The following PCGF3 variants were observed in gnomAD, a reference collection of about 807,000 sequenced individuals.
The protein encoded by PCGF3 is polycomb group ring finger 3.
A neutral mutation model predicts 33.1 loss-of-function variants in PCGF3; 7 were observed. The ratio of observed to expected loss-of-function variants is 0.21; its 90% CI spans 0.12 to 0.40. The LOEUF (loss-of-function observed/expected upper bound fraction) is 0.40. PCGF3 is among the 10% of genes least tolerant of loss of function. PCGF3 has a pLI of 1.00. For synonymous variants in PCGF3, 153 were observed against 121.3 expected (o/e 1.26, Z -1.72); for missense variants, 211 against 313.3 (o/e 0.67, Z 2.46).
intron 3 of PCGF3, 84 bp from the exon 4 acceptor site, chr4:733,588 C>A (rs561894078): frequency 8.4e-6 from 12 of 1,425,152 alleles, no homozygotes; most frequent in Non-Finnish European, 1.1e-5. Flanking sequence ...CACTGTCCTC[C>A]CTGGGGGCGG....
chr4:729,187 G>T (rs547617430), intron 1 of PCGF3, among the ~76,000 whole-genome samples: 2 of 151,600 alleles, frequency 1.3e-5, no homozygotes, highest in South Asian at 4.2e-4. Flanking sequence ...GGCTGAGGCG[G>T]GAGGATCACT....
At chr4:755,998 C>T (rs1744754497) in intron 8 of PCGF3, among the ~76,000 whole-genome samples, 1 of 149,904 alleles carries the variant, frequency 6.7e-6, no homozygotes, top group African/African-American at 2.5e-5. Context: ...CCGCAACCTC[C>T]ACCTCCCGGG....
rs569183660 is a variant in PCGF3 at position 721,958 on chromosome 4, G to C, written c.-189-8672G>C. Among the ~76,000 whole-genome samples the C allele has an allele frequency of 2.6e-5, 4 of 152,194 alleles. No homozygotes were observed. The South Asian group carries it at 8.3e-4, about 32-fold the overall frequency. On this transcript the variant is annotated intron_variant, in intron 1 of 10. Transcript: ENST00000362003. The surrounding 1 kb of genome is among the most constrained non-coding windows in gnomAD (Gnocchi z 4.1). ...GTCGCTGCATGTGGGTGTGGGGAGA[G>C]GCCTGTGGGAGGTGGATGGGTTGGG...
rs1186265968 is a variant in PCGF3, at chr4:732,357, CTCCCCTCCCTTCTCCT to C, written c.-10+1258_-10+1273del. 6.5e-4 allele frequency: 101 copies of C among 154,250 alleles called. 1 individual carries two copies. In the East Asian group the frequency reaches 0.015, roughly 23 times the overall value. 9.6% of individuals were successfully genotyped at this position (154,250 alleles called of 1,614,324 possible). On this transcript the variant is annotated intron_variant, in intron 3 of 10. Coordinates refer to ENST00000362003, the Ensembl canonical transcript of PCGF3. ...CCCTCCTCCCCTCCCTTCCCTTCCC[CTCCCCTCCCTTCTCCT>C]TCCCCTCCCTCTCCCTTCCTGGGCA... is the stretch of plus-strand genomic sequence containing the variant.
chr4:708,025 C>CT (rs1742406150), intron 1 of PCGF3, among the ~76,000 whole-genome samples: 1 of 136,954 alleles, frequency 7.3e-6, no homozygotes, highest in African/African-American at 2.7e-5. Context: ...CCCTGGGGGC[C>CT]GGGACCCTGG....
intron 8 of PCGF3, among the ~76,000 whole-genome samples, chr4:753,994 C>T (rs931312158): frequency 2.5e-4 from 38 of 152,174 alleles, no homozygotes; most frequent in Non-Finnish European, 2.6e-4. Flanking sequence ...ACTTCAGGGG[C>T]GTTCTGGGTC....
Position 761,323 on chromosome 4 carries a change from G to C in PCGF3, c.507G>C (p.Leu169=), listed in dbSNP as rs767614026. Residue 169 remains leucine, a synonymous_variant, in exon 9 of 11, where the codon CTG becomes CTC. Transcript: ENST00000362003. ...GTAACAGCAGCAAACTGCGCGGGCT[G>C]AAGCGGAAGTGGATCCGCTGCTCAG... 5.6e-6 allele frequency: 9 copies of C among 1,608,134 alleles called. No homozygotes were observed. The African/African-American group carries it at 1.2e-4, about 22-fold the overall frequency.
At chr4:714,659 C>T (rs1560195543) in intron 1 of PCGF3, among the ~76,000 whole-genome samples, 2 of 152,202 alleles carry the variant, frequency 1.3e-5, no homozygotes, top group Non-Finnish European at 2.9e-5. Flanking sequence ...GGTCTTGTCT[C>T]CCTGTCCGTG....
intron 8 of PCGF3, among the ~76,000 whole-genome samples, chr4:755,733 T>C (rs1179673197): frequency 6.6e-6 from 1 of 151,370 alleles, no homozygotes. Context: ...TTGCCAAGTT[T>C]CCACACTCTC....
chr4:713,375 C>T (rs28972485), intron 1 of PCGF3, among the ~76,000 whole-genome samples: 11 of 95,530 alleles, frequency 1.2e-4, no homozygotes, highest in African/African-American at 3.4e-4. Flanking sequence ...TCATGGGAGC[C>T]GTGGCCTTGT....
At chr4:764,287 A>T (rs1012666960) in intron 9 of PCGF3, among the ~76,000 whole-genome samples, 1 of 152,152 alleles carries the variant, frequency 6.6e-6, no homozygotes, top group Admixed American at 6.5e-5. Flanking sequence ...ATTGTTCTTT[A>T]AAAAGTCTAA....
At chr4:716,631 G>C (rs1742859624) in intron 1 of PCGF3, among the ~76,000 whole-genome samples, 1 of 132,546 alleles carries the variant, frequency 7.5e-6, no homozygotes, top group Non-Finnish European at 1.6e-5. Context: ...CTGGGACCCT[G>C]TAGACACTGA....
At chr4:732,676 C>T (rs534370151) in intron 3 of PCGF3, among the ~76,000 whole-genome samples, 2 of 152,164 alleles carry the variant, frequency 1.3e-5, no homozygotes, top group African/African-American at 4.8e-5. Context: ...GGCTGGGCCT[C>T]TTGGTGGCGG....
chr4:733,870 C>T, intron 4 of PCGF3, 81 bp downstream of exon 4: 7 of 1,609,274 alleles, frequency 4.3e-6, no homozygotes, highest in South Asian at 1.1e-5. Context: ...TTTTGTGTTA[C>T]CACACGCTTT....
rs1745293511 is a variant in PCGF3 at position 765,192 on chromosome 4, G to C, written c.681+128G>C. ...CTCATGCCTGTAATCCCAGCACTTT[G>C]GGAGGACGAGGCGGGCGGATCACGA... is the stretch of plus-strand genomic sequence containing the variant. On this transcript the variant is annotated intron_variant, in intron 10 of 10. Coordinates refer to ENST00000362003, the Ensembl canonical transcript of PCGF3. 6 of 641,694 alleles carry C rather than the reference G, an allele frequency of 9.4e-6. No homozygotes were observed. In the South Asian group the frequency reaches 1.1e-4, roughly 11 times the overall value. The allele number at this position is 641,694 out of a possible 1,614,324, so 39.8% of individuals were successfully genotyped here.
chr4:714,022 A>G (rs143602319), intron 1 of PCGF3, among the ~76,000 whole-genome samples: 173 of 152,260 alleles, frequency 1.1e-3, no homozygotes, highest in South Asian at 2.3e-3. Context: ...GTCCCCCAGA[A>G]TCCATGGGGG....
chr4:769,818 C>T (rs1560226546), exon 11 of PCGF3: 1 of 152,704 alleles, frequency 6.5e-6, no homozygotes, highest in African/African-American at 2.4e-5. Flanking sequence ...ACAGTGCAGC[C>T]ACCCAGCCTT....
exon 11 of PCGF3, chr4:766,522 T>C (rs1438137198): frequency 1.9e-5 from 3 of 153,920 alleles, no homozygotes; most frequent in Non-Finnish European, 4.3e-5. Flanking sequence ...AAATGTCTTT[T>C]CATGGTGAAT....
intron 1 of PCGF3, among the ~76,000 whole-genome samples, chr4:717,899 G>A (rs901201997): frequency 1.8e-4 from 28 of 152,220 alleles, no homozygotes; most frequent in Non-Finnish European, 2.2e-4. Flanking sequence ...GCCTGACCTC[G>A]ATGGCCCTGA....
Sources: allele counts gnomAD v4.1 joint callset (sites outside exome capture counted in the v4.1 genomes callset), GRCh38; gene constraint gnomAD v4.1.1; non-coding constraint Gnocchi (gnomAD v3.1); transcripts MANE v1.5; gene names NCBI Gene and HGNC (gene_info 2026-07-23, HGNC 2026-07-21).